Variants in MEGF6 observed in about 807,000 individuals in gnomAD.
MEGF6 encodes multiple epidermal growth factor-like domains protein 6.
A neutral mutation model predicts 207.1 loss-of-function variants in MEGF6; 184 were observed. The observed-to-expected ratio is 0.89, with a 90% CI of 0.79 to 1.00. The LOEUF is 1.00. Ranked by LOEUF, MEGF6 falls within the 50% of genes least tolerant of loss-of-function variation. The pLI, the probability that MEGF6 is intolerant of heterozygous loss-of-function variation, is 0.00. For synonymous variants in MEGF6, 1,038 were observed against 910.0 expected (o/e 1.14, Z -2.53); for missense variants, 2,282 against 2,202.9 (o/e 1.04, Z -0.72).
chr1:3,488,211 T>A lies in MEGF6; in HGVS notation c.*2317A>T, dbSNP rs1229950984. On this transcript the variant is annotated 3_prime_UTR_variant, in exon 37 of 37. Transcript: ENST00000356575. ...GTTAACATTAGGATCTGTGAGCGTG[T>A]TTTCTAGTTATTCTGCTTTATTTTC... 3.3e-5 allele frequency among the ~76,000 whole-genome samples: 5 copies of A among 152,182 alleles called. No homozygotes were observed. The East Asian group carries it at 9.6e-4, about 29-fold the overall frequency.
intron 5 of MEGF6, among the ~76,000 whole-genome samples, chr1:3,516,010 G>T (rs1417166567): frequency 2.0e-5 from 3 of 152,204 alleles, no homozygotes; most frequent in East Asian, 1.9e-4. Flanking sequence ...GCAGATGTGG[G>T]GATGCCGTGG....
chr1:3,544,179 C>A (rs971138537), intron 4 of MEGF6, among the ~76,000 whole-genome samples: 9 of 151,038 alleles, frequency 6.0e-5, no homozygotes, highest in African/African-American at 2.2e-4. Flanking sequence ...AAGGTCCAAG[C>A]ATCAGGCTAA....
In MEGF6 at chr1:3,556,258, A is replaced by G. The variant is rs1643028517; in HGVS notation, c.481+23567T>C. ...GGGGCAGGGTCCCCATACATAACCT[A>G]GAGCTCTGTGTGAGGCCCGCAGGCC... On this transcript the variant is annotated intron_variant, in intron 4 of 36. Coordinates refer to ENST00000356575, the MANE Select transcript of MEGF6 (RefSeq NM_001409.4). The surrounding 1 kb of genome is among the most constrained non-coding windows in gnomAD (Gnocchi z 4.4). Among the ~76,000 whole-genome samples, 1 of 152,234 alleles carries G rather than the reference A, an allele frequency of 6.6e-6. No individual in the cohort carries two copies. Among genetic ancestry groups the G allele is most frequent in the African/African-American group, 2.4e-5 (1 of 41,460 alleles).
At chr1:3,529,948 G>A (rs981214061) in intron 4 of MEGF6, among the ~76,000 whole-genome samples, 1 of 152,226 alleles carries the variant, frequency 6.6e-6, no homozygotes, top group African/African-American at 2.4e-5. Context: ...CACTTGCCAC[G>A]GGGTCCTCAC....
rs1470503699 is a variant in MEGF6 at position 3,542,129 on chromosome 1, T to C, written c.482-17883A>G. Among the ~76,000 whole-genome samples the C allele has an allele frequency of 3.3e-5, 5 of 152,074 alleles. No homozygotes were observed. In the East Asian group the frequency reaches 5.8e-4, roughly 18 times the overall value. ...TTTCCCGTGATCCGTCCTTATCTCC[T>C]GGAAGGAGGGGTCAGCCGGGGTGGG... On this transcript the variant is annotated intron_variant, in intron 4 of 36. Transcript: ENST00000356575.
rs753692893 is a variant in MEGF6, at chr1:3,511,638, G to A, written c.1026C>T (p.Cys342=). The A allele has an allele frequency of 1.9e-6, 3 of 1,611,562 alleles. No homozygotes were observed. Among genetic ancestry groups the A allele is most frequent in the Non-Finnish European group, 1.7e-6 (2 of 1,179,294 alleles). Residue 342 remains cysteine, a synonymous_variant, in exon 9 of 37, where the codon TGC becomes TGT. Coordinates refer to ENST00000356575, the MANE Select transcript of MEGF6 (RefSeq NM_001409.4). Reference sequence around the variant, plus strand: ...CACTGGTGTGGCTGCAGCCATGGGAGCAGCCGCCGTTGTTGGCCTCACAGC... The same window carrying A: ...CACTGGTGTGGCTGCAGCCATGGGAACAGCCGCCGTTGTTGGCCTCACAGC... ...VNSCEANNGG[C]SHGCSHTSAG... is the part of the protein sequence containing the mutation.
intron 4 of MEGF6, among the ~76,000 whole-genome samples, chr1:3,539,273 AT>A (rs1366970440): frequency 6.6e-6 from 1 of 152,042 alleles, no homozygotes; most frequent in Non-Finnish European, 1.5e-5. Flanking sequence ...GCGGCCTCCC[AT>A]CAGGAGGCTG....
At chr1:3,540,858 C>A (rs576798947) in intron 4 of MEGF6, among the ~76,000 whole-genome samples, 1 of 152,220 alleles carries the variant, frequency 6.6e-6, no homozygotes, top group Admixed American at 6.5e-5. Flanking sequence ...TCCACTCGAA[C>A]GCAGGAATTT....
At chr1:3,546,650 A>T (rs1373196766) in intron 4 of MEGF6, among the ~76,000 whole-genome samples, 1 of 101,190 alleles carries the variant, frequency 9.9e-6, no homozygotes, top group Non-Finnish European at 2.0e-5. Flanking sequence ...ATGGGCTGGG[A>T]AGGGGGCTGC....
intron 1 of MEGF6, among the ~76,000 whole-genome samples, chr1:3,608,952 C>T (rs777095099): frequency 3.9e-4 from 59 of 152,332 alleles, no homozygotes; most frequent in Non-Finnish European, 7.1e-4. Context: ...GCACACCCCT[C>T]GCTGCCTCCG....
At chr1:3,542,154 G>A (rs989064259) in intron 4 of MEGF6, among the ~76,000 whole-genome samples, 1 of 152,224 alleles carries the variant, frequency 6.6e-6, no homozygotes, top group African/African-American at 2.4e-5. Flanking sequence ...GCCGGGGTGG[G>A]AGCAGCACAG....
chr1:3,533,607 G>A (rs1295925417), intron 4 of MEGF6, among the ~76,000 whole-genome samples: 6 of 152,210 alleles, frequency 3.9e-5, no homozygotes, highest in Non-Finnish European at 7.3e-5. Flanking sequence ...GACACCAGAG[G>A]CCAGGCCTGC....
intron 3 of MEGF6, among the ~76,000 whole-genome samples, chr1:3,581,665 A>G (rs1643800882): frequency 6.6e-6 from 1 of 152,154 alleles, no homozygotes; most frequent in African/African-American, 2.4e-5. Context: ...AGCCCCAAAT[A>G]GCCAAGACCA....
At chr1:3,499,548 C>G in intron 23 of MEGF6, 40 bp downstream of exon 23, 1 of 1,551,956 alleles carries the variant, frequency 6.4e-7, no homozygotes, top group East Asian at 2.4e-5. Context: ...CCTGGCACCC[C>G]CTCCTGCAGC....
chr1:3,607,417 C>T (rs544799016), intron 1 of MEGF6, among the ~76,000 whole-genome samples: 3 of 152,262 alleles, frequency 2.0e-5, no homozygotes, highest in Non-Finnish European at 4.4e-5. Flanking sequence ...ATGGCTCTTG[C>T]AGTGACCCCC....
rs1415305439 is a variant in MEGF6, at chr1:3,506,235, G to C, written c.1791C>G (p.Gly597=). 1.9e-6 allele frequency: 3 copies of C among 1,608,552 alleles called. No individual in the cohort carries two copies. The highest frequency in any genetic ancestry group is 2.5e-6 in the Non-Finnish European group (3 of 1,178,290). ...PGVSGTNCED[G]CPKGYYGKHC... ...GCTTGCCATAGTAGCCCTTGGGGCAGCCTGGGGGCAGCGGGGCTCCATGTG... is the reference window on the plus strand; with the variant it reads ...GCTTGCCATAGTAGCCCTTGGGGCACCCTGGGGGCAGCGGGGCTCCATGTG... The change falls in exon 15 of 37, where the codon GGC becomes GGG. Residue 597 remains glycine (G), a splice_region_variant and synonymous_variant. Coordinates refer to ENST00000356575, the MANE Select transcript of MEGF6 (RefSeq NM_001409.4).
intron 3 of MEGF6, among the ~76,000 whole-genome samples, chr1:3,580,699 C>T (rs963123275): frequency 1.4e-5 from 2 of 143,434 alleles, no homozygotes; most frequent in Admixed American, 6.9e-5. Flanking sequence ...CTTCCTTCAC[C>T]GGGCAGCCCC....
intron 19 of MEGF6, 37 bp from the exon 20 acceptor site, chr1:3,501,131 C>T: frequency 6.2e-7 from 1 of 1,612,612 alleles, no homozygotes; most frequent in Non-Finnish European, 8.5e-7. Context: ...GGGGCCTGGC[C>T]ACCTACCCCA....
At position 3,494,681 on chromosome 1, in the gene MEGF6, C is replaced by A; in HGVS notation, c.3932G>T (p.Gly1311Val). 1.3e-6 allele frequency: 2 copies of A among 1,574,520 alleles called. No individual in the cohort carries two copies. The highest frequency in any genetic ancestry group is 1.3e-5 in the African/African-American group (1 of 74,168). Reference protein sequence around the residue: ...CEHTCSCRNGGLCHASNGSCS... With the variant: ...CEHTCSCRNGVLCHASNGSCS... The stretch of plus-strand genomic sequence containing the variant: ...GCTGCCGTTGCTGGCGTGGCACAGG[C>A]CCCCATTTCTGCAGGAGCAGGTGTG... Residue 1311 changes from glycine to valine, a missense_variant, in exon 31 of 37, where the codon GGC becomes GTC. Gly to Val is a moderately radical substitution (Grantham distance 109). Transcript: ENST00000356575.
Sources: gnomAD v4.1 joint callset for allele counts (sites outside exome capture counted in the v4.1 genomes callset) on GRCh38, gnomAD v4.1.1 for gene constraint, Gnocchi (gnomAD v3.1) non-coding constraint, MANE v1.5 for transcripts, NCBI Gene and HGNC (gene_info 2026-07-23, HGNC 2026-07-21) for gene names.